Variants in PMM2 observed in about 807,000 individuals in gnomAD.
PMM2 encodes the protein phosphomannomutase 2, also known as mannose-6-phosphate isomerase.
PMM2 carries 35 observed loss-of-function variants against 33.2 expected under a neutral mutation model. The ratio of observed to expected loss-of-function variants is 1.06; its 90% CI spans 0.81 to 1.40. PMM2 has a LOEUF of 1.40. PMM2 is among the 40% of genes most tolerant of loss of function. The probability of loss-of-function intolerance (pLI) is 0.00; values close to 1 mark genes in which losing one functional copy is unlikely to be tolerated. For synonymous variants in PMM2, 153 were observed against 114.7 expected, an observed-to-expected ratio of 1.33 and a Z score of -2.13; for missense variants, 386 against 306.0, an observed-to-expected ratio of 1.26 and a Z score of -1.95.
chr16:8,819,270 C>T (rs2060724015), intron 7 of PMM2, among the ~76,000 whole-genome samples: 1 of 152,168 alleles, frequency 6.6e-6, no homozygotes, highest in African/African-American at 2.4e-5. Flanking sequence ...TCCATGTGGA[C>T]CCATCTCTAG....
intron 5 of PMM2, 94 bp from the exon 6 acceptor site, chr16:8,811,544 C>A (rs758184986): frequency 1.2e-5 from 10 of 835,502 alleles, no homozygotes; most frequent in African/African-American, 3.4e-5. Flanking sequence ...ATAAATAAAT[C>A]AATAAGATAA....
chr16:8,802,099 G>C (rs575836822), intron 2 of PMM2, 189 bp downstream of exon 2: 2 of 581,634 alleles, frequency 3.4e-6, no homozygotes, highest in East Asian at 3.8e-5. Context: ...TGGAGTTACT[G>C]ATGGAGAACT....
chr16:8,843,228 A>G (rs970525744), intron 7 of PMM2, among the ~76,000 whole-genome samples: 1 of 152,128 alleles, frequency 6.6e-6, no homozygotes, highest in African/African-American at 2.4e-5. Flanking sequence ...AAAGAAGGCA[A>G]CATGGAGTGG....
chr16:8,828,640 AAAAC>A (rs1436628298), intron 7 of PMM2, among the ~76,000 whole-genome samples: 2 of 152,142 alleles, frequency 1.3e-5, no homozygotes, highest in Non-Finnish European at 2.9e-5. Context: ...TTCAGGACGT[AAAAC>A]AAGAGAAGAG....
At chr16:8,843,983 T>A (rs2060907492) in intron 7 of PMM2, among the ~76,000 whole-genome samples, 1 of 152,062 alleles carries the variant, frequency 6.6e-6, no homozygotes, top group Non-Finnish European at 1.5e-5. Flanking sequence ...TGGGACGAGT[T>A]GCACTGGGCA....
intron 7 of PMM2, chr16:8,833,043 T>C (rs977060523): frequency 2.9e-6 from 1 of 349,582 alleles, no homozygotes; most frequent in Admixed American, 6.4e-5. Flanking sequence ...GTAGAGGGTT[T>C]CGTGCGCGTC....
At position 8,849,164 on chromosome 16, in the gene PMM2, C is replaced by T. The variant is rs2060949452; in HGVS notation, c.*1339C>T. 4 of 152,370 alleles carry T rather than the reference C, an allele frequency of 2.6e-5. No individual in the cohort carries two copies. The highest frequency in any genetic ancestry group is 3.9e-4 in the East Asian group (2 of 5,180). 9.4% of individuals were successfully genotyped at this position (152,370 alleles called of 1,614,324 possible). ...GTTCCCTCCAAACCTCCCAGCCACT[C>T]GGGCTTGTAACTGTCTGAGCCCCGG... is the stretch of plus-strand genomic sequence containing the variant. On this transcript the variant is annotated 3_prime_UTR_variant, in exon 8 of 8. Coordinates refer to ENST00000268261, the MANE Select transcript of PMM2 (RefSeq NM_000303.3).
At chr16:8,833,116 G>A (rs2060821307) in intron 7 of PMM2, among the ~76,000 whole-genome samples, 1 of 152,248 alleles carries the variant, frequency 6.6e-6, no homozygotes, top group Admixed American at 6.5e-5. Context: ...TCACCTGGGT[G>A]CAGGCGGGCT....
At chr16:8,828,514 C>A (rs114042282) in intron 7 of PMM2, among the ~76,000 whole-genome samples, 1 of 152,166 alleles carries the variant, frequency 6.6e-6, no homozygotes, top group East Asian at 1.9e-4. Flanking sequence ...TAAGGCTAGA[C>A]ATGACACTGT....
intron 7 of PMM2, among the ~76,000 whole-genome samples, chr16:8,826,554 C>T (rs2060769403): frequency 1.3e-5 from 2 of 152,222 alleles, no homozygotes; most frequent in South Asian, 4.1e-4. Context: ...CTGCCTAATT[C>T]AGACCAAATG....
intron 4 of PMM2, chr16:8,810,246 CG>C (rs1455884500): frequency 1.3e-5 from 2 of 152,164 alleles, no homozygotes; most frequent in South Asian, 2.1e-4. Context: ...TACTGAGGCT[CG>C]TTGGACAATT....
At chr16:8,800,751 T>G (rs2060611205) in intron 1 of PMM2, among the ~76,000 whole-genome samples, 1 of 152,094 alleles carries the variant, frequency 6.6e-6, no homozygotes, top group Non-Finnish European at 1.5e-5. Context: ...TGGCACGATC[T>G]TGGCTCACTG....
chr16:8,822,463 G>A (rs889371423), intron 7 of PMM2, among the ~76,000 whole-genome samples: 2 of 152,166 alleles, frequency 1.3e-5, no homozygotes, highest in African/African-American at 4.8e-5. Flanking sequence ...GGCTGTTACC[G>A]GCATTGTTTC....
intron 4 of PMM2, 125 bp from the exon 5 acceptor site, chr16:8,810,954 G>C: frequency 1.4e-6 from 1 of 710,380 alleles, no homozygotes; most frequent in East Asian, 2.7e-5. Flanking sequence ...ATAGCACAGA[G>C]CTGAGAAACA....
chr16:8,825,673 C>T (rs2060763013), intron 7 of PMM2, among the ~76,000 whole-genome samples: 1 of 151,970 alleles, frequency 6.6e-6, no homozygotes, highest in South Asian at 2.1e-4. Flanking sequence ...TTTAGTTTGA[C>T]TGTAGGGTAA....
chr16:8,815,074 G>T (rs2060699410), intron 7 of PMM2, among the ~76,000 whole-genome samples: 1 of 152,090 alleles, frequency 6.6e-6, no homozygotes, highest in South Asian at 2.1e-4. Context: ...GATACAAGGG[G>T]AATCATGCAG....
At chr16:8,802,053 C>T (rs1167613010) in intron 2 of PMM2, 143 bp downstream of exon 2, 3 of 654,126 alleles carry the variant, frequency 4.6e-6, no homozygotes, top group Admixed American at 2.1e-5. Flanking sequence ...TTTTCTTGGC[C>T]TTTGCTTTTC....
chr16:8,843,298 A>C (rs1340245254), intron 7 of PMM2, among the ~76,000 whole-genome samples: 1 of 152,128 alleles, frequency 6.6e-6, no homozygotes, highest in Non-Finnish European at 1.5e-5. Context: ...GAGTTACCCA[A>C]AGCTTGGCGT....
chr16:8,847,397 A>AT (rs1249538031), intron 7 of PMM2, among the ~76,000 whole-genome samples: 1 of 138,378 alleles, frequency 7.2e-6, no homozygotes, highest in Non-Finnish European at 1.6e-5. Context: ...AAAAAAACTG[A>AT]TGGCTGTGAG....
Sources: gnomAD v4.1 joint callset for allele counts (sites outside exome capture counted in the v4.1 genomes callset) on GRCh38, gnomAD v4.1.1 for gene constraint, MANE v1.5 for transcripts, NCBI Gene and HGNC (gene_info 2026-07-23, HGNC 2026-07-21) for gene names.